The following TDRD9 variants were observed in gnomAD, a reference collection of about 807,000 sequenced individuals.
The protein encoded by TDRD9 is ATP-dependent RNA helicase TDRD9.
Under a neutral mutation model 172.6 loss-of-function variants are expected in TDRD9, and 124 were observed. The observed-to-expected ratio is 0.72, with a 90% CI of 0.62 to 0.83. TDRD9 has a LOEUF of 0.83. TDRD9 is among the 40% of genes least tolerant of loss of function. TDRD9 has a pLI of 0.00. For missense variants in TDRD9, 1,479 were observed against 1,714.1 expected, an observed-to-expected ratio of 0.86 and a Z score of 2.42; for synonymous variants, 619 against 617.1, an observed-to-expected ratio of 1.00 and a Z score of -0.05.
At position 103,941,691 on chromosome 14, in the gene TDRD9, G is replaced by A. The variant is rs1279196212; in HGVS notation, c.215+12967G>A. On this transcript the variant is annotated intron_variant, in intron 1 of 35. Coordinates refer to ENST00000409874, the MANE Select transcript of TDRD9 (RefSeq NM_153046.3). ...GGGCCATTTCATCCAGCCAAAAAGT[G>A]GCATTTTTAGCCTATGGAAATATTT... 1.5e-5 allele frequency: 23 copies of A among 1,508,676 alleles called. No homozygotes were observed. The East Asian group carries it at 5.7e-4, about 37-fold the overall frequency. 93.5% of individuals were successfully genotyped at this position (1,508,676 alleles called of 1,614,324 possible). A position where few individuals can be genotyped will look rare whatever the true frequency, so the allele number is the denominator to read the frequency against.
At chr14:104,018,001 A>C in intron 22 of TDRD9, 91 bp from the exon 23 acceptor site, 1 of 744,122 alleles carries the variant, frequency 1.3e-6, no homozygotes, top group Non-Finnish European at 2.3e-6. Flanking sequence ...TTTAGAAACT[A>C]AAACAGTGTG....
intron 20 of TDRD9, among the ~76,000 whole-genome samples, chr14:104,009,625 C>A (rs2034547408): frequency 6.6e-6 from 1 of 152,122 alleles, no homozygotes; most frequent in Non-Finnish European, 1.5e-5. Flanking sequence ...CTTAATATAA[C>A]TTTTTTTAAC....
chr14:103,938,339 C>A (rs2030904682), intron 1 of TDRD9, among the ~76,000 whole-genome samples: 1 of 147,870 alleles, frequency 6.8e-6, no homozygotes, highest in Non-Finnish European at 1.5e-5. Flanking sequence ...ATAAAACACA[C>A]CTGAAACATT....
At chr14:103,993,115 A>C (rs7143936) in intron 9 of TDRD9, among the ~76,000 whole-genome samples, 35,516 of 147,430 alleles carry the variant, frequency 0.24, 4,933 homozygotes, top group South Asian at 0.45. Context: ...GACTGCAGGC[A>C]TGCACCCCCA....
chr14:103,979,135 G>A (rs879922133), intron 7 of TDRD9, among the ~76,000 whole-genome samples: 2 of 152,162 alleles, frequency 1.3e-5, no homozygotes, highest in Admixed American at 1.3e-4. Context: ...ATGAGAACAT[G>A]TGGTATTTAA....
rs778015721 is a variant in TDRD9 at position 103,986,278 on chromosome 14, C to G, written c.1073C>G (p.Ser358Cys). The change falls in exon 8 of 36, where the codon TCT (serine) becomes TGT (cysteine). Residue 358 changes from serine to cysteine, a missense_variant. Coordinates refer to ENST00000409874, the MANE Select transcript of TDRD9 (RefSeq NM_153046.3). ...ITKDIYEVAV[S>C]LIQMFDDLDM... ...AAGGATATATATGAAGTTGCTGTCT[C>G]TCTCATTCAGATGTTTGATGACTTG... 5 of 1,613,430 alleles carry G rather than the reference C, an allele frequency of 3.1e-6. No individual in the cohort carries two copies. In the South Asian group the frequency reaches 4.4e-5, roughly 14 times the overall value.
intron 34 of TDRD9, among the ~76,000 whole-genome samples, chr14:104,043,723 T>C (rs1018590281): frequency 6.6e-6 from 1 of 152,108 alleles, no homozygotes; most frequent in Non-Finnish European, 1.5e-5. Flanking sequence ...GTAGTAGGTA[T>C]TGGTTTGTTT....
At chr14:104,023,262 ATGTAATTTTTAG>A (rs2035021067) in intron 24 of TDRD9, among the ~76,000 whole-genome samples, 1 of 144,712 alleles carries the variant, frequency 6.9e-6, no homozygotes. Context: ...GATATCATTG[ATGTAATTTTTAG>A]TTAAATAGTA....
intron 28 of TDRD9, among the ~76,000 whole-genome samples, chr14:104,030,448 G>T (rs978192543): frequency 6.6e-6 from 1 of 152,168 alleles, no homozygotes; most frequent in Non-Finnish European, 1.5e-5. Context: ...CTGAGATTGC[G>T]CCATTGCACT....
intron 1 of TDRD9, among the ~76,000 whole-genome samples, chr14:103,938,700 G>T (rs111747126): frequency 0.023 from 3,469 of 151,910 alleles, 77 homozygotes; most frequent in East Asian, 0.07. Flanking sequence ...GCCTCCCAAA[G>T]TGCTGGGATT....
At chr14:103,998,259 G>C (rs1457851029) in intron 12 of TDRD9, among the ~76,000 whole-genome samples, 1 of 143,404 alleles carries the variant, frequency 7.0e-6, no homozygotes, top group Admixed American at 7.3e-5. Context: ...GGCACACACA[G>C]ACGCGGGATT....
chr14:103,995,773 A>G lies in TDRD9; in HGVS notation c.1344A>G (p.Ala448=). 1.9e-6 allele frequency: 3 copies of G among 1,609,434 alleles called. No individual in the cohort carries two copies. The highest frequency in any genetic ancestry group is 2.5e-6 in the Non-Finnish European group (3 of 1,178,118). ...AGATTATTCTGTCCACCAATATTGC[A>G]GAGAGTTCTGTCACAGTTCCAGATG... is the stretch of plus-strand genomic sequence containing the variant. The part of the protein sequence containing the change: ...YRKIILSTNI[A]ESSVTVPDVK... Residue 448 remains alanine, a synonymous_variant, in exon 12 of 36, where the codon GCA becomes GCG. Coordinates refer to ENST00000409874, the MANE Select transcript of TDRD9 (RefSeq NM_153046.3).
At position 104,015,964 on chromosome 14, in the gene TDRD9, A is replaced by G. The variant is rs747623839; in HGVS notation, c.2224-17A>G. ...AAAATAATGCTGTTACTTCATGAAA[A>G]TAAATTTCTTTTTCAGGTTGTATTG... On this transcript the variant is annotated splice_polypyrimidine_tract_variant and intron_variant, in intron 21 of 35. Coordinates refer to ENST00000409874, the MANE Select transcript of TDRD9 (RefSeq NM_153046.3). 8.4e-6 allele frequency: 13 copies of G among 1,543,076 alleles called. No individual in the cohort carries two copies. Among genetic ancestry groups the G allele is most frequent in the Non-Finnish European group, 1.1e-5 (12 of 1,135,106 alleles).
intron 1 of TDRD9, chr14:103,939,752 T>TTG (rs1555362817): frequency 6.3e-5 from 7 of 111,344 alleles, no homozygotes; most frequent in Admixed American, 9.8e-5. Flanking sequence ...TGTTTTTTTT[T>TTG]TTTTTTTTTT....
intron 33 of TDRD9, among the ~76,000 whole-genome samples, chr14:104,040,898 A>G (rs1198580284): frequency 6.6e-6 from 1 of 152,260 alleles, no homozygotes; most frequent in Non-Finnish European, 1.5e-5. Context: ...GAATCTAATA[A>G]TAGAAATGTG....
At chr14:103,938,414 GTATATA>G (rs1231280146) in intron 1 of TDRD9, among the ~76,000 whole-genome samples, 1 of 97,488 alleles carries the variant, frequency 1.0e-5, no homozygotes, top group African/African-American at 4.6e-5. Context: ...GTGTGTGTGT[GTATATA>G]TATATATATA....
At chr14:103,933,766 A>G (rs570583629) in intron 1 of TDRD9, among the ~76,000 whole-genome samples, 111 of 152,234 alleles carry the variant, frequency 7.3e-4, no homozygotes, top group African/African-American at 2.5e-3. Flanking sequence ...TGCCTGCTGT[A>G]TTGGGCATTG....
At chr14:103,998,787 G>A in intron 13 of TDRD9, 59 bp downstream of exon 13, 1 of 884,404 alleles carries the variant, frequency 1.1e-6, no homozygotes, top group Non-Finnish European at 1.8e-6. Flanking sequence ...GGCACATTCA[G>A]GTGCTTTTTT....
rs770660542 is a variant in TDRD9 at position 103,998,717 on chromosome 14, A to G, written c.1472A>G (p.Asn491Ser). ...AGTTGGGCTTCTAAAACCAGCTGTAATCAGAGAAAAGGTAAGACATTTGTG... is the reference window on the plus strand; with the variant it reads ...AGTTGGGCTTCTAAAACCAGCTGTAGTCAGAGAAAAGGTAAGACATTTGTG... The part of the protein sequence containing the change: ...RLSWASKTSC[N>S]QRKGRAGRVS... Residue 491 changes from asparagine to serine, a missense_variant, in exon 13 of 36, where the codon AAT becomes AGT. Around this residue, in one of 3 missense-constraint regions of TDRD9, gnomAD observed 1,413 missense variants for 1,649.1 expected, o/e 0.86. Transcript: ENST00000409874. 5 of 1,562,330 alleles carry G rather than the reference A, an allele frequency of 3.2e-6. No individual in the cohort carries two copies. The Admixed American group carries it at 8.3e-5, about 26-fold the overall frequency.
Sources: gnomAD v4.1 joint callset for allele counts (sites outside exome capture counted in the v4.1 genomes callset) on GRCh38, gnomAD v4.1.1 for gene constraint, gnomAD v4.1.1 regional missense constraint, MANE v1.5 for transcripts, NCBI Gene and HGNC (gene_info 2026-07-23, HGNC 2026-07-21) for gene names.